The following ATP11C variants were observed in gnomAD, a reference collection of about 807,000 sequenced individuals.
ATP11C encodes the protein phospholipid-transporting ATPase IG.
ATP11C carries 36 observed loss-of-function variants against 97.4 expected under a neutral mutation model. The ratio of observed to expected loss-of-function variants is 0.37; its 90% CI spans 0.28 to 0.49. The LOEUF (loss-of-function observed/expected upper bound fraction) is 0.49. Among genes scored for constraint, ATP11C ranks in the 20% least tolerant of loss-of-function variants. The pLI, the probability that ATP11C is intolerant of heterozygous loss-of-function variation, is 0.98. For synonymous variants in ATP11C, 275 were observed against 290.9 expected, an observed-to-expected ratio of 0.95 and a Z score of 0.56; for missense variants, 730 against 824.6, an observed-to-expected ratio of 0.89 and a Z score of 1.40.
Position 139,912,001 on chromosome X carries a change from C to A in ATP11C, c.27+20015G>T, listed in dbSNP as rs1313067551. ...CAAGACCAGCCTGGCCATGGCAAGACCCCGTCTCTACTAAAATACAAAAAT... is the reference window on the plus strand; with the variant it reads ...CAAGACCAGCCTGGCCATGGCAAGAACCCGTCTCTACTAAAATACAAAAAT... On this transcript the variant is annotated intron_variant, in intron 1 of 29. Transcript: ENST00000682941. Among the ~76,000 whole-genome samples, 3 of 108,184 alleles carry A rather than the reference C, an allele frequency of 2.8e-5. No homozygotes were observed. In the Admixed American group the frequency reaches 3.0e-4, roughly 11 times the overall value. The allele number at this position is 108,184 out of a possible 115,157, so 93.9% of individuals were successfully genotyped here. A position where few individuals can be genotyped will look rare whatever the true frequency, so the allele number is the denominator to read the frequency against.
At chrX:139,761,546 T>C (rs770676462) in intron 22 of ATP11C, among the ~76,000 whole-genome samples, 45 of 110,567 alleles carry the variant, frequency 4.1e-4, no homozygotes, top group Non-Finnish European at 6.6e-4. Context: ...CCCAGGCTGG[T>C]CTCAAAATCC....
intron 3 of ATP11C, among the ~76,000 whole-genome samples, chrX:139,818,383 T>C (rs1050730468): frequency 1.8e-5 from 2 of 111,729 alleles, no homozygotes; most frequent in South Asian, 7.5e-4. Flanking sequence ...GCACAGCACA[T>C]AGTAGGTAGG....
intron 1 of ATP11C, among the ~76,000 whole-genome samples, chrX:139,845,087 C>T (rs747020604): frequency 8.1e-5 from 9 of 111,797 alleles, no homozygotes; most frequent in Non-Finnish European, 1.3e-4. Context: ...GTGCACCTCA[C>T]CTCCCCAGGG....
At chrX:139,930,406 T>A (rs1422368179) in intron 1 of ATP11C, among the ~76,000 whole-genome samples, 2 of 111,164 alleles carry the variant, frequency 1.8e-5, no homozygotes, top group Non-Finnish European at 3.8e-5. Flanking sequence ...GTTTAATGAT[T>A]TTATTATGAT....
intron 12 of ATP11C, among the ~76,000 whole-genome samples, 181 bp from the exon 13 acceptor site, chrX:139,789,669 A>C (rs897007108): frequency 2.7e-5 from 3 of 112,230 alleles, no homozygotes; most frequent in African/African-American, 9.7e-5. Context: ...GAGTATTTTT[A>C]AAGACACCAA....
chrX:139,783,336 C>T (rs2082503911), intron 16 of ATP11C, 69 bp from the exon 17 acceptor site: 1 of 765,607 alleles, frequency 1.3e-6, no homozygotes, highest in Non-Finnish European at 2.0e-6. Flanking sequence ...GTAAGAGTAA[C>T]TTTTAAAGCG....
At chrX:139,736,297 G>A (rs1205554158) in intron 28 of ATP11C, among the ~76,000 whole-genome samples, 1 of 111,950 alleles carries the variant, frequency 8.9e-6, no homozygotes, top group Non-Finnish European at 1.9e-5. Flanking sequence ...TAATAAGGAA[G>A]AAGATAAGAT....
chrX:139,931,270 A>G (rs72617910), intron 1 of ATP11C, among the ~76,000 whole-genome samples: 3,079 of 112,160 alleles, frequency 0.027, 116 homozygotes, highest in East Asian at 0.19. Context: ...TGAAGGGGGT[A>G]AACGTGGACG....
intron 12 of ATP11C, among the ~76,000 whole-genome samples, chrX:139,795,261 T>C (rs2082769450): frequency 8.9e-6 from 1 of 111,846 alleles, no homozygotes; most frequent in African/African-American, 3.3e-5. Context: ...AACAAAATGG[T>C]ATCTGGAGAG....
intron 1 of ATP11C, among the ~76,000 whole-genome samples, chrX:139,894,516 GA>G (rs1281512599): frequency 1.8e-5 from 2 of 111,533 alleles, no homozygotes; most frequent in African/African-American, 6.5e-5. Flanking sequence ...AAGAGAGGTT[GA>G]TTAATGGGTA....
At chrX:139,735,091 C>CTGCT (rs2081416158) in intron 28 of ATP11C, among the ~76,000 whole-genome samples, 1 of 111,700 alleles carries the variant, frequency 9.0e-6, no homozygotes, top group East Asian at 2.8e-4. Flanking sequence ...AGAGTGAGAG[C>CTGCT]TGCTTGTGAG....
At chrX:139,933,177 C>A (rs769183882), upstream of ATP11C, 1 of 110,651 alleles carries the variant, frequency 9.0e-6, no homozygotes, top group South Asian at 3.9e-4. Context: ...CCAACCGTCC[C>A]CCTACTTCGC....
intron 13 of ATP11C, among the ~76,000 whole-genome samples, chrX:139,788,906 G>A (rs1324442865): frequency 8.9e-6 from 1 of 111,827 alleles, no homozygotes; most frequent in Non-Finnish European, 1.9e-5. Flanking sequence ...TCCAACAATA[G>A]TTATTCTAAA....
chrX:139,755,066 T>C (rs756006254), intron 23 of ATP11C, among the ~76,000 whole-genome samples: 3 of 111,945 alleles, frequency 2.7e-5, no homozygotes, highest in African/African-American at 6.5e-5. Context: ...TTGCAGACAA[T>C]ATGATTCTAT....
rs755385365 is a variant in ATP11C at position 139,745,729 on chromosome X, T to C, written c.2957A>G (p.Asn986Ser). The C allele has an allele frequency of 4.2e-6, 5 of 1,199,104 alleles. No homozygotes were observed. In the African/African-American group the frequency reaches 8.9e-5, roughly 21 times the overall value. The change falls in exon 25 of 30, where the codon AAT becomes AGT. Residue 986 changes from asparagine to serine, a missense_variant. Physicochemically the swap from Asn to Ser is conservative, Grantham distance 46 (BLOSUM62 1). Transcript: ENST00000682941. Reference protein sequence around the residue: ...FLFQTASLEENGKVYGNWTFG... With the variant: ...FLFQTASLEESGKVYGNWTFG... ...ATGACAGGTTCTTTTTACCTTTCCA[T>C]TTTCTTCTAGGGATGCAGTCTGAAA...
At chrX:139,885,591 T>C (rs901132216) in intron 1 of ATP11C, 18 of 112,062 alleles carry the variant, frequency 1.6e-4, no homozygotes, top group Admixed American at 1.9e-4. Flanking sequence ...ATTTCTTTTA[T>C]CCATGATTTT....
At chrX:139,742,126 T>C (rs1443661332) in intron 26 of ATP11C, among the ~76,000 whole-genome samples, 1 of 111,649 alleles carries the variant, frequency 9.0e-6, no homozygotes, top group Non-Finnish European at 1.9e-5. Context: ...TTGGAAGCCC[T>C]GTGGCTATAT....
At chrX:139,761,602 T>C (rs1158215698) in intron 22 of ATP11C, among the ~76,000 whole-genome samples, 1 of 111,674 alleles carries the variant, frequency 9.0e-6, no homozygotes, top group East Asian at 2.8e-4. Flanking sequence ...AGCACTAGGA[T>C]TACAGGAATG....
At chrX:139,931,799 G>T (rs1403522464) in intron 1 of ATP11C, among the ~76,000 whole-genome samples, 2 of 110,470 alleles carry the variant, frequency 1.8e-5, no homozygotes, top group Non-Finnish European at 3.8e-5. Context: ...AGCCCTGGTC[G>T]AATTGTCCTG....
Sources: gnomAD v4.1 joint callset for allele counts (sites outside exome capture counted in the v4.1 genomes callset) on GRCh38, gnomAD v4.1.1 for gene constraint, MANE v1.5 for transcripts, NCBI Gene and HGNC (gene_info 2026-07-23, HGNC 2026-07-21) for gene names.